FOXP2: variants seen among roughly 807,000 people sequenced by gnomAD.
The protein encoded by FOXP2 is forkhead box P2.
In FOXP2, 12 loss-of-function variants were observed where a neutral mutation model predicts 115.8. The observed-to-expected ratio is 0.10, with a 90% CI of 0.07 to 0.17. The LOEUF (loss-of-function observed/expected upper bound fraction) is 0.17, where lower values mean the gene tolerates loss of function less well. Ranked by LOEUF, FOXP2 falls within the 10% of genes least tolerant of loss-of-function variation. The pLI is 1.00. For missense variants in FOXP2, 629 were observed against 843.5 expected, an observed-to-expected ratio of 0.75 and a Z score of 3.15; for synonymous variants, 328 against 297.7, an observed-to-expected ratio of 1.10 and a Z score of -1.05.
chr7:114,333,890 T>C (rs1200445539), intron 2 of FOXP2, among the ~76,000 whole-genome samples: 1 of 144,642 alleles, frequency 6.9e-6, no homozygotes, highest in South Asian at 2.3e-4. Flanking sequence ...TCCATCTCAA[T>C]TAAAAAAAAA....
upstream of FOXP2, among the ~76,000 whole-genome samples, chr7:114,087,540 G>T (rs1170858099): frequency 6.6e-6 from 1 of 151,632 alleles, no homozygotes; most frequent in Non-Finnish European, 1.5e-5. Context: ...CTGTTACCTG[G>T]AAGTCCACAG....
At chr7:114,506,892 A>G (rs1158680112) in intron 2 of FOXP2, among the ~76,000 whole-genome samples, 4 of 151,766 alleles carry the variant, frequency 2.6e-5, no homozygotes, top group Admixed American at 2.0e-4. Context: ...TATAAGCTAT[A>G]TTTATTGTGG....
chr7:114,199,776 A>C (rs1023107393), intron 1 of FOXP2, among the ~76,000 whole-genome samples: 1 of 152,236 alleles, frequency 6.6e-6, no homozygotes, highest in Non-Finnish European at 1.5e-5. Flanking sequence ...TTACATGTGT[A>C]GATGAAAAAG....
At chr7:114,665,532 T>C (rs565512597) in intron 16 of FOXP2, 1 of 152,246 alleles carries the variant, frequency 6.6e-6, no homozygotes, top group African/African-American at 2.4e-5. Flanking sequence ...TTTTAAACAT[T>C]TTATTCTGTT....
At chr7:114,555,869 G>A (rs1044201192) in intron 3 of FOXP2, among the ~76,000 whole-genome samples, 2 of 152,092 alleles carry the variant, frequency 1.3e-5, no homozygotes, top group South Asian at 2.1e-4. Flanking sequence ...CTCCACCATG[G>A]AGGGGATCTC....
At chr7:114,491,538 T>G (rs1282146298) in intron 2 of FOXP2, among the ~76,000 whole-genome samples, 4 of 152,044 alleles carry the variant, frequency 2.6e-5, no homozygotes, top group East Asian at 1.9e-4. Context: ...ATTTTGGCTT[T>G]TGTTGCCATT....
At chr7:114,547,934 A>G (rs1325513931) in intron 3 of FOXP2, among the ~76,000 whole-genome samples, 1 of 152,180 alleles carries the variant, frequency 6.6e-6, no homozygotes, top group Non-Finnish European at 1.5e-5. Context: ...TAAATTTACT[A>G]TGAAGTTTAT....
intron 3 of FOXP2, among the ~76,000 whole-genome samples, chr7:114,553,090 GTA>G (rs1342416558): frequency 2.6e-5 from 4 of 151,972 alleles, no homozygotes; most frequent in Non-Finnish European, 5.9e-5. Context: ...AACTGACAAA[GTA>G]TTTTAGGAAA....
chr7:114,176,298 T>TCTTTCTTTCTTTCTCTCTCTC (rs1554426475), intron 1 of FOXP2, among the ~76,000 whole-genome samples: 9 of 76,516 alleles, frequency 1.2e-4, no homozygotes, highest in African/African-American at 4.9e-4. Context: ...CTTTCTTTCT[T>TCTTTCTTTCTTTCTCTCTCTC]TCTCTCTCTC....
intron 1 of FOXP2, among the ~76,000 whole-genome samples, chr7:114,199,046 C>T (rs1285449484): frequency 6.6e-6 from 1 of 152,138 alleles, no homozygotes; most frequent in Non-Finnish European, 1.5e-5. Context: ...TAAGGTCTTA[C>T]ACTATTGCCC....
At chr7:114,089,754 A>G (rs537884544) in intron 1 of FOXP2, among the ~76,000 whole-genome samples, 1 of 152,042 alleles carries the variant, frequency 6.6e-6, no homozygotes, top group Admixed American at 6.5e-5. Context: ...AAAGGTGAAC[A>G]TTATATGTAC....
intron 8 of FOXP2, among the ~76,000 whole-genome samples, chr7:114,649,838 C>T (rs1806136177): frequency 6.6e-6 from 1 of 152,046 alleles, no homozygotes; most frequent in South Asian, 2.1e-4. Context: ...CATTGAAGGG[C>T]TGCAAGCTAG....
intron 11 of FOXP2, among the ~76,000 whole-genome samples, chr7:114,658,631 C>T (rs1469582937): frequency 6.6e-6 from 1 of 152,114 alleles, no homozygotes; most frequent in Non-Finnish European, 1.5e-5. Flanking sequence ...TACGAAACAC[C>T]GTTGCTTTAT....
chr7:114,357,067 T>A (rs1292582362), intron 2 of FOXP2, among the ~76,000 whole-genome samples: 1 of 152,102 alleles, frequency 6.6e-6, no homozygotes, highest in Admixed American at 6.6e-5. Flanking sequence ...CTCTCCAGAG[T>A]ATTGCTCTTT....
intron 1 of FOXP2, among the ~76,000 whole-genome samples, chr7:114,176,263 C>CTTT (rs1793295959): frequency 8.1e-6 from 1 of 123,438 alleles, no homozygotes; most frequent in African/African-American, 3.8e-5. Flanking sequence ...TCTCTCTTTC[C>CTTT]CTTTCTTTCT....
upstream of FOXP2, chr7:114,087,606 C>CGCGGCGGCGCACGTGCGGCGGCG (rs1554412021): frequency 4.7e-5 from 7 of 147,932 alleles, no homozygotes; most frequent in African/African-American, 1.2e-4. Flanking sequence ...CCTTCGCGCT[C>CGCGGCGGCGCACGTGCGGCGGCG]GCGGCGGCGC....
At chr7:114,299,346 C>T (rs1796823723) in intron 2 of FOXP2, among the ~76,000 whole-genome samples, 1 of 151,932 alleles carries the variant, frequency 6.6e-6, no homozygotes, top group Non-Finnish European at 1.5e-5. Context: ...TAACAGAACC[C>T]TGATGTTATT....
At chr7:114,127,343 C>G (rs891289810) in intron 1 of FOXP2, among the ~76,000 whole-genome samples, 1 of 152,064 alleles carries the variant, frequency 6.6e-6, no homozygotes. Flanking sequence ...CAGGTCCTTG[C>G]CATGGTCAAG....
chr7:114,086,955 A>G (rs1799433573), upstream of FOXP2, among the ~76,000 whole-genome samples: 1 of 152,194 alleles, frequency 6.6e-6, no homozygotes, highest in Non-Finnish European at 1.5e-5. Context: ...TCGTCCGGAG[A>G]GACCTCGGCT....
Sources: allele counts gnomAD v4.1 joint callset (sites outside exome capture counted in the v4.1 genomes callset), GRCh38; gene constraint gnomAD v4.1.1; transcripts MANE v1.5; gene names NCBI Gene and HGNC (gene_info 2026-07-23, HGNC 2026-07-21).